The following TANK variants were observed in gnomAD, a reference collection of about 807,000 sequenced individuals.
TANK encodes the protein TRAF family member associated NFKB activator.
A neutral mutation model predicts 43.6 loss-of-function variants in TANK; 15 were observed. The observed-to-expected ratio is 0.34, with a 90% CI of 0.23 to 0.53. TANK has a LOEUF of 0.53. TANK is among the 20% of genes least tolerant of loss of function. The probability of loss-of-function intolerance (pLI) is 0.94; values close to 1 mark genes in which losing one functional copy is unlikely to be tolerated. For synonymous variants in TANK, 162 were observed against 178.2 expected, an observed-to-expected ratio of 0.91 and a Z score of 0.73; for missense variants, 417 against 498.6, an observed-to-expected ratio of 0.84 and a Z score of 1.56.
intron 2 of TANK, chr2:161,180,277 C>A: frequency 7.4e-6 from 2 of 269,996 alleles, no homozygotes; most frequent in Non-Finnish European, 1.1e-5. Flanking sequence ...AAAGTTTCAG[C>A]TTTTACAATT....
intron 2 of TANK, among the ~76,000 whole-genome samples, chr2:161,198,214 A>G (rs1686244587): frequency 6.6e-6 from 1 of 152,236 alleles, no homozygotes; most frequent in Non-Finnish European, 1.5e-5. Flanking sequence ...CAAAGGGCTA[A>G]CAGGTTCTAA....
chr2:161,169,516 A>G (rs555499180), intron 1 of TANK, among the ~76,000 whole-genome samples: 3 of 152,194 alleles, frequency 2.0e-5, no homozygotes, highest in Non-Finnish European at 4.4e-5. Context: ...CTAATTTTCC[A>G]TAATGAAGAG....
chr2:161,218,067 T>C (rs1030789488), intron 4 of TANK, among the ~76,000 whole-genome samples: 2 of 152,184 alleles, frequency 1.3e-5, no homozygotes, highest in East Asian at 3.8e-4. Flanking sequence ...AAATTGCCTA[T>C]GTTAACAAGT....
rs187535781 is a variant in TANK at position 161,168,238 on chromosome 2, C to T, written c.-50+7752C>T. On this transcript the variant is annotated intron_variant, in intron 1 of 7. Coordinates refer to ENST00000392749, the MANE Select transcript of TANK (RefSeq NM_001199135.3). ...CCTCACATTAAAAGTTTTTATTTCT[C>T]ACTATGAAATAAGGAGGGAAGTTCA... Among the ~76,000 whole-genome samples, 69 of 152,170 alleles carry T rather than the reference C, an allele frequency of 4.5e-4. 1 individual carries two copies. Among genetic ancestry groups the T allele is most frequent in the Middle Eastern group, 6.8e-3 (2 of 294 alleles).
chr2:161,209,847 A>G (rs1354219077), intron 4 of TANK, among the ~76,000 whole-genome samples: 1 of 152,218 alleles, frequency 6.6e-6, no homozygotes, highest in Non-Finnish European at 1.5e-5. Flanking sequence ...TCTGGCTTAA[A>G]GTCTTGATTT....
chr2:161,149,699 G>A (rs1684017290), intron 1 of TANK, among the ~76,000 whole-genome samples: 1 of 149,214 alleles, frequency 6.7e-6, no homozygotes. Flanking sequence ...AAGGGTGTTG[G>A]TTTTTTTCAA....
At chr2:161,162,273 C>T (rs1478520504) in intron 1 of TANK, among the ~76,000 whole-genome samples, 1 of 151,898 alleles carries the variant, frequency 6.6e-6, no homozygotes, top group African/African-American at 2.4e-5. Context: ...TTCATTTTTC[C>T]TTTTCAAAAT....
chr2:161,231,257 T>C lies in TANK; in HGVS notation c.807T>C (p.Phe269=), dbSNP rs749096947. The change falls in exon 7 of 8, where the codon TTT becomes TTC. Residue 269 remains phenylalanine (F), a synonymous_variant. Transcript: ENST00000392749. ...ATSEAVCQEK[F]NMEFRDNPGN... ...CTGAGGCAGTGTGCCAAGAGAAATT[T>C]AATATGGAGTTCAGAGACAACCCAG... The C allele has an allele frequency of 6.2e-7, 1 of 1,614,048 alleles. No individual in the cohort carries two copies. The highest frequency in any genetic ancestry group is 1.1e-5 in the South Asian group (1 of 91,084).
chr2:161,225,741 C>A (rs1687581339), intron 6 of TANK, among the ~76,000 whole-genome samples: 1 of 152,166 alleles, frequency 6.6e-6, no homozygotes, highest in South Asian at 2.1e-4. Flanking sequence ...CTGACTAACA[C>A]CCTTTTAATT....
intron 1 of TANK, among the ~76,000 whole-genome samples, chr2:161,176,130 CCTGGAGT>C (rs1685164577): frequency 2.0e-5 from 3 of 152,090 alleles, no homozygotes; most frequent in African/African-American, 7.2e-5. Context: ...AAAGCATTTT[CCTGGAGT>C]CTGGCAAATA....
At chr2:161,163,673 C>G (rs577606149) in intron 1 of TANK, among the ~76,000 whole-genome samples, 2 of 152,262 alleles carry the variant, frequency 1.3e-5, no homozygotes, top group African/African-American at 2.4e-5. Flanking sequence ...AATAACCAAG[C>G]TGACATTTTA....
intron 2 of TANK, among the ~76,000 whole-genome samples, chr2:161,185,954 A>G (rs1034140672): frequency 6.6e-6 from 1 of 152,228 alleles, no homozygotes; most frequent in African/African-American, 2.4e-5. Context: ...AATGTTAATT[A>G]TATCAGTCTC....
intron 1 of TANK, among the ~76,000 whole-genome samples, chr2:161,168,501 A>G (rs1476569340): frequency 6.6e-6 from 1 of 152,138 alleles, no homozygotes; most frequent in Non-Finnish European, 1.5e-5. Flanking sequence ...TCCTAGGGAC[A>G]AAAAGAAAAA....
In TANK at chr2:161,140,907, T is replaced by C. The variant is rs1683728426; in HGVS notation, c.-50+3844T>C. ...TGCAGAGAATTCACATATACCACCC[T>C]TCCTACCCCCACCACTCACAGCATC... On this transcript the variant is annotated intron_variant, in intron 1 of 7. Transcript: ENST00000259075. Among the ~76,000 whole-genome samples the C allele has an allele frequency of 2.0e-5, 3 of 152,232 alleles. No individual in the cohort carries two copies. The South Asian group carries it at 6.2e-4, about 32-fold the overall frequency.
Position 161,231,184 on chromosome 2 carries a change from T to C in TANK, c.734T>C (p.Phe245Ser). The change falls in exon 7 of 8, where the codon TTC (phenylalanine) becomes TCC (serine). Residue 245 changes from phenylalanine (F) to serine (S), a missense_variant. Coordinates refer to ENST00000392749, the MANE Select transcript of TANK (RefSeq NM_001199135.3). ...KFPPMDNDST[F>S]LHSTPERPGI... is the part of the protein sequence containing the mutation. ...CCACCTATGGACAATGACTCAACTTTCTTACATAGCACTCCAGAGAGACCC... is the reference window on the plus strand; with the variant it reads ...CCACCTATGGACAATGACTCAACTTCCTTACATAGCACTCCAGAGAGACCC... 6.2e-7 allele frequency: 1 copy of C among 1,613,994 alleles called. No homozygotes were observed. Among genetic ancestry groups the C allele is most frequent in the Non-Finnish European group, 8.5e-7 (1 of 1,180,024 alleles).
chr2:161,183,469 A>G (rs1685522454), intron 2 of TANK, among the ~76,000 whole-genome samples: 1 of 152,112 alleles, frequency 6.6e-6, no homozygotes, highest in Non-Finnish European at 1.5e-5. Flanking sequence ...TTTCTTCTAG[A>G]GGAGTATTAA....
At chr2:161,168,323 C>T (rs1330057696) in intron 1 of TANK, among the ~76,000 whole-genome samples, 1 of 151,992 alleles carries the variant, frequency 6.6e-6, no homozygotes, top group Non-Finnish European at 1.5e-5. Context: ...ATTCAAAACC[C>T]AGATAGTAGA....
At chr2:161,199,618 T>A (rs1339592514) in intron 2 of TANK, among the ~76,000 whole-genome samples, 4 of 152,212 alleles carry the variant, frequency 2.6e-5, no homozygotes, top group African/African-American at 9.6e-5. Flanking sequence ...GGGCAATTTT[T>A]AAAATAAACT....
intron 4 of TANK, among the ~76,000 whole-genome samples, chr2:161,213,253 A>G (rs1321630324): frequency 6.6e-6 from 1 of 152,220 alleles, no homozygotes; most frequent in Non-Finnish European, 1.5e-5. Flanking sequence ...TATCCAAACT[A>G]TAGCACCCAC....
Sources: allele counts gnomAD v4.1 joint callset (sites outside exome capture counted in the v4.1 genomes callset), GRCh38; gene constraint gnomAD v4.1.1; transcripts MANE v1.5; gene names NCBI Gene and HGNC (gene_info 2026-07-23, HGNC 2026-07-21).